Variants in FOXP1 observed in about 807,000 individuals in gnomAD.
FOXP1 encodes forkhead box protein P1.
Under a neutral mutation model 98.2 loss-of-function variants are expected in FOXP1, and 15 were observed. The observed-to-expected ratio is 0.15, with a 90% CI of 0.10 to 0.24. FOXP1 has a LOEUF of 0.24. Among genes scored for constraint, FOXP1 ranks in the 10% least tolerant of loss-of-function variants. The pLI is 1.00. For missense variants in FOXP1, 633 were observed against 848.5 expected, an observed-to-expected ratio of 0.75 and a Z score of 3.15; for synonymous variants, 371 against 314.5, an observed-to-expected ratio of 1.18 and a Z score of -1.90.
chr3:71,515,505 A>G (rs1455261474), intron 2 of FOXP1, among the ~76,000 whole-genome samples: 2 of 149,878 alleles, frequency 1.3e-5, no homozygotes, highest in South Asian at 2.1e-4. Flanking sequence ...TCACGCTTGC[A>G]GGGTAACAGT....
intron 3 of FOXP1, among the ~76,000 whole-genome samples, chr3:71,482,720 A>AT (rs938977040): frequency 2.6e-5 from 4 of 151,214 alleles, no homozygotes; most frequent in Non-Finnish European, 4.4e-5. Flanking sequence ...TAACTTTAAA[A>AT]TTTTTTTTTA....
At chr3:71,228,432 TA>T (rs2106721075) in intron 5 of FOXP1, among the ~76,000 whole-genome samples, 2 of 152,272 alleles carry the variant, frequency 1.3e-5, no homozygotes, top group East Asian at 3.9e-4. Flanking sequence ...GGCACAAGGC[TA>T]AACACCACAG....
At chr3:71,252,192 A>C (rs545458862) in intron 5 of FOXP1, among the ~76,000 whole-genome samples, 1 of 152,318 alleles carries the variant, frequency 6.6e-6, no homozygotes, top group African/African-American at 2.4e-5. Flanking sequence ...CCATGTAGGA[A>C]AGTGATGCCT....
chr3:71,565,300 G>A (rs771235912), intron 2 of FOXP1, among the ~76,000 whole-genome samples: 2 of 152,178 alleles, frequency 1.3e-5, no homozygotes, highest in Non-Finnish European at 2.9e-5. Flanking sequence ...CAGGCACACT[G>A]CAGCAGGAAG....
chr3:71,475,389 C>T (rs534061205), intron 3 of FOXP1, among the ~76,000 whole-genome samples: 27 of 152,202 alleles, frequency 1.8e-4, no homozygotes, highest in Middle Eastern at 3.4e-3. Flanking sequence ...CCAAAATATA[C>T]CTCCATGGCA....
intron 6 of FOXP1, among the ~76,000 whole-genome samples, chr3:71,114,051 T>C (rs2058164555): frequency 6.6e-6 from 1 of 152,194 alleles, no homozygotes; most frequent in African/African-American, 2.4e-5. Flanking sequence ...AGACTTCTTA[T>C]TATATCAATA....
At chr3:71,141,206 T>G (rs952499505) in intron 6 of FOXP1, among the ~76,000 whole-genome samples, 1 of 145,720 alleles carries the variant, frequency 6.9e-6, no homozygotes, top group African/African-American at 2.6e-5. Context: ...AGGTGGAGGT[T>G]GCAGTGAGCC....
intron 17 of FOXP1, among the ~76,000 whole-genome samples, chr3:70,976,168 G>A (rs746480134): frequency 2.7e-5 from 4 of 150,002 alleles, no homozygotes; most frequent in South Asian, 2.1e-4. Flanking sequence ...TCCCACCTCT[G>A]CCTCTGGAGT....
intron 17 of FOXP1, among the ~76,000 whole-genome samples, chr3:70,973,000 A>G (rs914733351): frequency 5.3e-5 from 8 of 152,180 alleles, no homozygotes; most frequent in Non-Finnish European, 8.8e-5. Context: ...TCAAAACAAC[A>G]CATGCAAAGT....
At chr3:71,261,307 A>C (rs2069116120) in intron 5 of FOXP1, among the ~76,000 whole-genome samples, 1 of 152,208 alleles carries the variant, frequency 6.6e-6, no homozygotes, top group Non-Finnish European at 1.5e-5. Flanking sequence ...CATAATATCA[A>C]ATACATTAAT....
chr3:71,112,940 A>G (rs752370828), intron 6 of FOXP1, among the ~76,000 whole-genome samples: 57 of 152,144 alleles, frequency 3.7e-4, no homozygotes, highest in Non-Finnish European at 7.1e-4. Flanking sequence ...CTGAACAAAG[A>G]TGACAGAGAG....
chr3:71,018,735 C>T (rs1360897748), intron 11 of FOXP1, among the ~76,000 whole-genome samples: 1 of 152,152 alleles, frequency 6.6e-6, no homozygotes, highest in African/African-American at 2.4e-5. Flanking sequence ...GAAACTGGAA[C>T]AACTGTTGCC....
At chr3:71,043,786 C>T (rs542376478) in intron 10 of FOXP1, among the ~76,000 whole-genome samples, 2 of 152,300 alleles carry the variant, frequency 1.3e-5, no homozygotes, top group African/African-American at 4.8e-5. Context: ...AACTTTGATG[C>T]TGTTTTAAAA....
chr3:71,115,291 G>A (rs1291436003), intron 6 of FOXP1, among the ~76,000 whole-genome samples: 1 of 148,100 alleles, frequency 6.8e-6, no homozygotes, highest in African/African-American at 2.5e-5. Context: ...GGGAGAATGG[G>A]CACTCAATTA....
chr3:71,394,075 T>C (rs548337351), intron 3 of FOXP1, among the ~76,000 whole-genome samples: 1 of 152,320 alleles, frequency 6.6e-6, no homozygotes, highest in Non-Finnish European at 1.5e-5. Context: ...AAAAGCCAAC[T>C]ATGCCTGCAT....
intron 2 of FOXP1, among the ~76,000 whole-genome samples, chr3:71,534,792 C>G (rs1250831432): frequency 6.6e-6 from 1 of 152,162 alleles, no homozygotes; most frequent in African/African-American, 2.4e-5. Flanking sequence ...CCAACTGTCA[C>G]TTTTCTAGGT....
At chr3:71,032,524 T>C (rs1461175391) in intron 11 of FOXP1, among the ~76,000 whole-genome samples, 1 of 152,182 alleles carries the variant, frequency 6.6e-6, no homozygotes, top group Non-Finnish European at 1.5e-5. Context: ...GTTTATAATA[T>C]ACTTAGGCCT....
intron 5 of FOXP1, among the ~76,000 whole-genome samples, chr3:71,271,098 C>T (rs1204862490): frequency 6.6e-6 from 1 of 152,248 alleles, no homozygotes; most frequent in African/African-American, 2.4e-5. Flanking sequence ...GGTGTACTGG[C>T]GCACACCTGT....
intron 5 of FOXP1, among the ~76,000 whole-genome samples, chr3:71,223,630 G>A (rs891217739): frequency 6.7e-6 from 1 of 149,012 alleles, no homozygotes; most frequent in Admixed American, 6.8e-5. Context: ...AGGAGACGGA[G>A]CTTGCAGTGA....
Sources: gnomAD v4.1 joint callset for allele counts (sites outside exome capture counted in the v4.1 genomes callset) on GRCh38, gnomAD v4.1.1 for gene constraint, MANE v1.5 for transcripts, NCBI Gene and HGNC (gene_info 2026-07-23, HGNC 2026-07-21) for gene names.